The following WASHC2C variants were observed in gnomAD, a reference collection of about 807,000 sequenced individuals.
WASHC2C encodes Vaccinia Penetration Factor.
In WASHC2C, 73 loss-of-function variants were observed where a neutral mutation model predicts 142.2. The ratio of observed to expected loss-of-function variants is 0.51; its 90% confidence interval spans 0.43 to 0.62. The LOEUF (loss-of-function observed/expected upper bound fraction) is 0.62, where lower values mean the gene tolerates loss of function less well. WASHC2C is among the 20% of genes least tolerant of loss of function. WASHC2C has a pLI of 0.00. For synonymous variants in WASHC2C, 337 were observed against 565.5 expected, an observed-to-expected ratio of 0.60 and a Z score of 5.73; for missense variants, 969 against 1,531.7, an observed-to-expected ratio of 0.63 and a Z score of 6.13.
intron 23 of WASHC2C, among the ~76,000 whole-genome samples, chr10:45,779,704 C>G (rs1279703369): frequency 6.6e-5 from 10 of 151,912 alleles, no homozygotes; most frequent in Non-Finnish European, 2.9e-5. Flanking sequence ...AGGTGATGGT[C>G]AGCTGGGCAT....
chr10:45,788,835 A>T (rs2058232239), intron 28 of WASHC2C, 36 bp from the exon 29 acceptor site: 9 of 1,611,856 alleles, frequency 5.6e-6, no homozygotes, highest in Non-Finnish European at 7.6e-6. Flanking sequence ...ACTTTATTTT[A>T]TCGTCAGATC....
chr10:45,736,933 C>G (rs2051349374), intron 3 of WASHC2C, among the ~76,000 whole-genome samples: 1 of 152,074 alleles, frequency 6.6e-6, no homozygotes, highest in Non-Finnish European at 1.5e-5. Context: ...TTCATCAGTT[C>G]ATTTATATTG....
At chr10:45,728,692 C>T (rs1187506290) in intron 2 of WASHC2C, among the ~76,000 whole-genome samples, 170 bp from the exon 3 acceptor site, 8 of 151,240 alleles carry the variant, frequency 5.3e-5, no homozygotes, top group Non-Finnish European at 1.0e-4. Flanking sequence ...GATGGCGCCA[C>T]TGTACTCCAG....
intron 4 of WASHC2C, among the ~76,000 whole-genome samples, chr10:45,738,292 G>A (rs2051537164): frequency 1.3e-5 from 2 of 151,134 alleles, no homozygotes; most frequent in Admixed American, 6.6e-5. Context: ...TTTTGTAAAG[G>A]GCCAGATAGT....
At chr10:45,754,187 CCT>C (rs1389267692) in intron 13 of WASHC2C, among the ~76,000 whole-genome samples, 2 of 152,048 alleles carry the variant, frequency 1.3e-5, no homozygotes, top group African/African-American at 2.4e-5. Context: ...GCTGTCCCTG[CCT>C]CTGCTGTGCT....
At chr10:45,785,727 A>T (rs751719785) in intron 26 of WASHC2C, 96 bp downstream of exon 26, 2 of 1,604,728 alleles carry the variant, frequency 1.2e-6, no homozygotes, top group Non-Finnish European at 1.7e-6. Flanking sequence ...ACTTGTCTGC[A>T]TTAAGGAGGA....
chr10:45,747,752 C>T (rs1441713040), intron 8 of WASHC2C, among the ~76,000 whole-genome samples: 5 of 149,966 alleles, frequency 3.3e-5, no homozygotes, highest in East Asian at 2.0e-4. Context: ...GCACCATGCC[C>T]GGCTAATTTT....
rs1554887288 is a variant in WASHC2C, at chr10:45,779,108, C to T, written c.2451C>T (p.Ile817=). The change falls in exon 23 of 31, where the codon ATC becomes ATT. Residue 817 remains isoleucine (I), a synonymous_variant. Transcript: ENST00000623400. ...ATAAAATGGAAGATCAAAACATTATCCAGGCTCCACAGAAAGAAGTAGGAA... is the reference window on the plus strand; with the variant it reads ...ATAAAATGGAAGATCAAAACATTATTCAGGCTCCACAGAAAGAAGTAGGAA... ...EEDKMEDQNI[I]QAPQKEVGKG... is the part of the protein sequence containing the mutation. 1 of 1,611,330 alleles carries T rather than the reference C, an allele frequency of 6.2e-7. No individual in the cohort carries two copies. Among genetic ancestry groups the T allele is most frequent in the African/African-American group, 1.3e-5 (1 of 74,740 alleles).
chr10:45,738,726 A>T (rs2051597739), intron 4 of WASHC2C, among the ~76,000 whole-genome samples: 1 of 152,074 alleles, frequency 6.6e-6, no homozygotes. Context: ...TTATTTTGAG[A>T]TGGAGTCTCA....
rs1415629120 is a variant in WASHC2C, at chr10:45,738,051, T to C, written c.354+6T>C. 6.2e-7 allele frequency: 1 copy of C among 1,611,674 alleles called. No homozygotes were observed. Among genetic ancestry groups the C allele is most frequent in the African/African-American group, 1.3e-5 (1 of 74,754 alleles). On this transcript the variant is annotated splice_donor_region_variant and intron_variant, in intron 4 of 30. Transcript: ENST00000623400. Reference sequence around the variant, plus strand: ...AGGCAGAAAAAACAGAGCAGGTACTTGTATAAAATCACTCTTAGCTGAGTT... The same window carrying C: ...AGGCAGAAAAAACAGAGCAGGTACTCGTATAAAATCACTCTTAGCTGAGTT...
At chr10:45,732,764 A>C (rs142528820) in intron 3 of WASHC2C, among the ~76,000 whole-genome samples, 179 of 152,296 alleles carry the variant, frequency 1.2e-3, no homozygotes, top group African/African-American at 4.2e-3. Flanking sequence ...AATTTTCCAG[A>C]TCATCTTCCT....
intron 19 of WASHC2C, among the ~76,000 whole-genome samples, chr10:45,768,249 A>G (rs2056166227): frequency 6.6e-6 from 1 of 151,144 alleles, no homozygotes; most frequent in Admixed American, 6.6e-5. Context: ...AAAAAAAAAA[A>G]AAAAAAGAAA....
rs544788263 is a variant in WASHC2C at position 45,741,798 on chromosome 10, A to ATT, written c.528+1568_528+1569dup. 4.9e-4 allele frequency among the ~76,000 whole-genome samples: 62 copies of ATT among 125,874 alleles called. 1 individual carries two copies. The highest frequency in any genetic ancestry group is 1.5e-3 in the South Asian group (6 of 3,998). The allele number at this position is 125,874 out of a possible 152,430, so 82.6% of individuals were successfully genotyped here. ...AAGGGTGGAGCACTTTCTTGACCCT[A>ATT]TTTTTTTTTTTTTTTTTGAGACAGA... On this transcript the variant is annotated intron_variant, in intron 5 of 30. Transcript: ENST00000623400.
At chr10:45,732,607 A>C (rs1252546163) in intron 3 of WASHC2C, among the ~76,000 whole-genome samples, 11 of 152,182 alleles carry the variant, frequency 7.2e-5, no homozygotes, top group Non-Finnish European at 1.2e-4. Context: ...AAAAAATTCC[A>C]GAATGAAACA....
At chr10:45,790,086 TG>T (rs2058308718) in intron 29 of WASHC2C, among the ~76,000 whole-genome samples, 1 of 152,166 alleles carries the variant, frequency 6.6e-6, no homozygotes, top group Non-Finnish European at 1.5e-5. Flanking sequence ...GAAAGTAACC[TG>T]GGGCAGAGTG....
At chr10:45,776,324 G>GT (rs1302732012) in intron 21 of WASHC2C, among the ~76,000 whole-genome samples, 1 of 152,272 alleles carries the variant, frequency 6.6e-6, no homozygotes, top group Non-Finnish European at 1.5e-5. Context: ...TAGAGCTTTA[G>GT]TTTTTTCTCA....
At chr10:45,749,291 C>G (rs528903254) in intron 8 of WASHC2C, among the ~76,000 whole-genome samples, 1 of 150,988 alleles carries the variant, frequency 6.6e-6, no homozygotes, top group Non-Finnish European at 1.5e-5. Context: ...AAAAATTAGC[C>G]GGGCGTGGTG....
chr10:45,741,868 A>G (rs2052105377), intron 5 of WASHC2C, among the ~76,000 whole-genome samples: 1 of 148,936 alleles, frequency 6.7e-6, no homozygotes, highest in Admixed American at 6.8e-5. Flanking sequence ...ATCTCGGCTC[A>G]CTGCAGCTTC....
intron 8 of WASHC2C, among the ~76,000 whole-genome samples, chr10:45,749,406 G>T (rs1433134141): frequency 6.6e-6 from 1 of 151,024 alleles, no homozygotes; most frequent in Admixed American, 6.6e-5. Context: ...TTGCACTTCA[G>T]CCTGGGCAAA....
Sources: gnomAD v4.1 joint callset for allele counts (sites outside exome capture counted in the v4.1 genomes callset) on GRCh38, gnomAD v4.1.1 for gene constraint, MANE v1.5 for transcripts, NCBI Gene and HGNC (gene_info 2026-07-23, HGNC 2026-07-21) for gene names.